The following GABBR2 variants were observed in gnomAD, a reference collection of about 807,000 sequenced individuals.
GABBR2 encodes gamma-aminobutyric acid type B receptor subunit 2.
GABBR2 carries 23 observed loss-of-function variants against 105.6 expected under a neutral mutation model. That is an observed-to-expected ratio of 0.22 (90% CI 0.16 to 0.31). GABBR2 has a LOEUF of 0.31. GABBR2 is among the 10% of genes least tolerant of loss of function. GABBR2 has a pLI of 1.00. For missense variants in GABBR2, 734 were observed against 1,245.5 expected, an observed-to-expected ratio of 0.59 and a Z score of 6.18; for synonymous variants, 478 against 499.7, an observed-to-expected ratio of 0.96 and a Z score of 0.58.
chr9:98,684,169 T>TTAAAAAAAA (rs376323708), intron 1 of GABBR2, among the ~76,000 whole-genome samples: 27,546 of 65,708 alleles, frequency 0.42, 8,359 homozygotes, highest in Non-Finnish European at 0.47. Context: ...TTTACCACGG[T>TTAAAAAAAA]AAAAAAAAAA....
intron 7 of GABBR2, among the ~76,000 whole-genome samples, chr9:98,414,898 T>C (rs1187458436): frequency 3.3e-5 from 5 of 152,130 alleles, no homozygotes; most frequent in Non-Finnish European, 5.9e-5. Context: ...AGTGGGGACA[T>C]GAGACAGAGG....
At chr9:98,553,462 C>T (rs890274677) in intron 2 of GABBR2, among the ~76,000 whole-genome samples, 2 of 151,906 alleles carry the variant, frequency 1.3e-5, no homozygotes, top group Non-Finnish European at 2.9e-5. Flanking sequence ...CATTGTGGTT[C>T]GAGTTTGTGG....
chr9:98,651,383 C>G (rs1830103481), intron 1 of GABBR2, among the ~76,000 whole-genome samples: 1 of 152,046 alleles, frequency 6.6e-6, no homozygotes, highest in African/African-American at 2.4e-5. Context: ...ACCTCAGCCT[C>G]CCAAAGTGCT....
chr9:98,683,622 GCAT>G (rs1304318370), intron 1 of GABBR2, among the ~76,000 whole-genome samples: 1 of 152,140 alleles, frequency 6.6e-6, no homozygotes. Flanking sequence ...ATGGAGATGC[GCAT>G]CTATTTTGTT....
intron 4 of GABBR2, among the ~76,000 whole-genome samples, chr9:98,489,832 G>C (rs141802390): frequency 2.6e-5 from 4 of 152,198 alleles, no homozygotes; most frequent in African/African-American, 7.2e-5. Context: ...GGTGGCTCAC[G>C]CCTGTAATCC....
chr9:98,662,505 CA>C (rs1283227071), intron 1 of GABBR2, among the ~76,000 whole-genome samples: 1 of 152,146 alleles, frequency 6.6e-6, no homozygotes, highest in East Asian at 1.9e-4. Flanking sequence ...ACTCACATCT[CA>C]TGTAGATGAA....
chr9:98,577,387 G>T (rs1828934959), intron 2 of GABBR2, among the ~76,000 whole-genome samples: 1 of 152,234 alleles, frequency 6.6e-6, no homozygotes, highest in Admixed American at 6.5e-5. Flanking sequence ...TATAAAATCT[G>T]CCAGGGCAAA....
intron 11 of GABBR2, among the ~76,000 whole-genome samples, chr9:98,382,147 G>A (rs1831988494): frequency 6.6e-6 from 1 of 152,062 alleles, no homozygotes; most frequent in Non-Finnish European, 1.5e-5. Flanking sequence ...ATTCCCAGGT[G>A]TCCAACAGCA....
intron 8 of GABBR2, among the ~76,000 whole-genome samples, chr9:98,403,685 G>T (rs1333672968): frequency 6.6e-6 from 1 of 151,692 alleles, no homozygotes; most frequent in Non-Finnish European, 1.5e-5. Context: ...ACCTGAATTT[G>T]CCCCAGAAAG....
rs1208740742 is a variant in GABBR2 at position 98,289,660 on chromosome 9, C to T, written c.*924G>A. On this transcript the variant is annotated 3_prime_UTR_variant, in exon 19 of 19. Coordinates refer to ENST00000259455, the MANE Select transcript of GABBR2 (RefSeq NM_005458.8). Reference sequence around the variant, plus strand: ...GGAAAAAAAAAAAAAAAATCCCAGCCAGCCCTTGGGCCCTGATGAGAGAGG... The same window carrying T: ...GGAAAAAAAAAAAAAAAATCCCAGCTAGCCCTTGGGCCCTGATGAGAGAGG... The T allele has an allele frequency of 6.6e-6, 1 of 152,348 alleles. No homozygotes were observed. Among genetic ancestry groups the T allele is most frequent in the Non-Finnish European group, 1.5e-5 (1 of 68,034 alleles). The allele number at this position is 152,348 out of a possible 1,614,324, so 9.4% of individuals were successfully genotyped here. A position where few individuals can be genotyped will look rare whatever the true frequency, so the allele number is the denominator to read the frequency against.
At chr9:98,686,018 T>G (rs1830616277) in intron 1 of GABBR2, among the ~76,000 whole-genome samples, 2 of 152,268 alleles carry the variant, frequency 1.3e-5, no homozygotes, top group Middle Eastern at 3.4e-3. Flanking sequence ...GCTCCTCTGA[T>G]CCTCTTCCCA....
chr9:98,543,193 C>T (rs1233993077), intron 2 of GABBR2, among the ~76,000 whole-genome samples: 1 of 152,126 alleles, frequency 6.6e-6, no homozygotes, highest in Non-Finnish European at 1.5e-5. Context: ...AACACTTCCT[C>T]TGATCTCTGT....
intron 1 of GABBR2, among the ~76,000 whole-genome samples, chr9:98,675,806 T>G (rs534327647): frequency 6.6e-6 from 1 of 152,150 alleles, no homozygotes; most frequent in Non-Finnish European, 1.5e-5. Flanking sequence ...ACCAATGAAG[T>G]TCAGGGTGGT....
intron 3 of GABBR2, among the ~76,000 whole-genome samples, chr9:98,519,436 T>C (rs554798375): frequency 6.6e-6 from 1 of 152,244 alleles, no homozygotes; most frequent in Admixed American, 6.5e-5. Flanking sequence ...AGTCTGCACA[T>C]CCGTGATAGA....
At chr9:98,347,665 C>A (rs750906951) in intron 13 of GABBR2, among the ~76,000 whole-genome samples, 1 of 152,134 alleles carries the variant, frequency 6.6e-6, no homozygotes, top group East Asian at 1.9e-4. Flanking sequence ...TGTTTTGAAG[C>A]ATTTCCCCTA....
At chr9:98,498,622 C>T (rs931701103) in intron 3 of GABBR2, among the ~76,000 whole-genome samples, 1 of 152,092 alleles carries the variant, frequency 6.6e-6, no homozygotes, top group Non-Finnish European at 1.5e-5. Context: ...CTAGCAAGTC[C>T]TTGGGTGTTT....
chr9:98,403,145 T>G (rs1027963252), intron 8 of GABBR2, among the ~76,000 whole-genome samples: 17 of 151,644 alleles, frequency 1.1e-4, no homozygotes, highest in Non-Finnish European at 2.2e-4. Context: ...AATACAAAAA[T>G]TAGCTGGGCA....
chr9:98,606,537 A>G (rs1308590574), intron 1 of GABBR2, among the ~76,000 whole-genome samples: 1 of 145,592 alleles, frequency 6.9e-6, no homozygotes, highest in African/African-American at 2.6e-5. Flanking sequence ...CTGGACTGCA[A>G]TGGCACAGTC....
intron 13 of GABBR2, among the ~76,000 whole-genome samples, chr9:98,320,905 C>G (rs575553339): frequency 6.6e-6 from 1 of 151,638 alleles, no homozygotes; most frequent in South Asian, 2.1e-4. Flanking sequence ...GTGCAGCACA[C>G]CAGCATGGCA....
Sources: gnomAD v4.1 joint callset for allele counts (sites outside exome capture counted in the v4.1 genomes callset) on GRCh38, gnomAD v4.1.1 for gene constraint, MANE v1.5 for transcripts, NCBI Gene and HGNC (gene_info 2026-07-23, HGNC 2026-07-21) for gene names.